PDE10A: variants seen among roughly 807,000 people sequenced by gnomAD.
PDE10A encodes the protein cAMP and cAMP-inhibited cGMP 3',5'-cyclic phosphodiesterase 10A.
A neutral mutation model predicts 97.7 loss-of-function variants in PDE10A; 39 were observed. That is an observed-to-expected ratio of 0.40 (90% CI 0.31 to 0.52). The LOEUF is 0.52. Ranked by LOEUF, PDE10A falls within the 20% of genes least tolerant of loss-of-function variation. The pLI, the probability that PDE10A is intolerant of heterozygous loss-of-function variation, is 0.56. For missense variants in PDE10A, 731 were observed against 1,047.8 expected (o/e 0.70, Z 4.17); for synonymous variants, 371 against 376.8 (o/e 0.98, Z 0.18).
At chr6:165,467,703 C>A (rs986120631) in intron 3 of PDE10A, among the ~76,000 whole-genome samples, 1 of 152,120 alleles carries the variant, frequency 6.6e-6, no homozygotes, top group Non-Finnish European at 1.5e-5. Context: ...ACTTTCTATG[C>A]CTAGTGAAGA....
At chr6:165,368,277 T>C (rs1266241138) in intron 18 of PDE10A, among the ~76,000 whole-genome samples, 1 of 152,232 alleles carries the variant, frequency 6.6e-6, no homozygotes, top group Non-Finnish European at 1.5e-5. Context: ...ATTAAAGGTG[T>C]GAGTCACCAC....
At chr6:165,481,016 CTACA>C (rs1779577258) in intron 3 of PDE10A, among the ~76,000 whole-genome samples, 1 of 152,166 alleles carries the variant, frequency 6.6e-6, no homozygotes, top group African/African-American at 2.4e-5. Context: ...AGAAAAATCA[CTACA>C]TAAAGTTTCA....
At chr6:165,836,172 T>G (rs1210871951) in intron 1 of PDE10A, among the ~76,000 whole-genome samples, 1 of 152,174 alleles carries the variant, frequency 6.6e-6, no homozygotes, top group Non-Finnish European at 1.5e-5. Flanking sequence ...TTGTGACTGG[T>G]GAGAAGCAAG....
intron 1 of PDE10A, among the ~76,000 whole-genome samples, chr6:165,811,987 G>C (rs894458871): frequency 6.6e-6 from 1 of 151,974 alleles, no homozygotes; most frequent in African/African-American, 2.4e-5. Context: ...CGAGTAGCTG[G>C]GATTACAGGC....
At chr6:165,831,125 C>T (rs929944314) in intron 1 of PDE10A, among the ~76,000 whole-genome samples, 28 of 152,000 alleles carry the variant, frequency 1.8e-4, no homozygotes, top group Non-Finnish European at 3.2e-4. Flanking sequence ...TGGCTCAAGC[C>T]TGTAATCCCA....
intron 1 of PDE10A, among the ~76,000 whole-genome samples, chr6:165,862,034 C>G (rs753993292): frequency 6.6e-6 from 1 of 152,232 alleles, no homozygotes; most frequent in South Asian, 2.1e-4. Context: ...GGCTCTGAGT[C>G]TCCTTCCAGC....
chr6:165,883,221 G>A lies in PDE10A; in HGVS notation c.-615+104308C>T, dbSNP rs12664273. Reference sequence around the variant, plus strand: ...ACTGCACTCCAGATTGGGCAATAGAGCAAGACTCTGTCAAAGAAAATAAAA... The same window carrying A: ...ACTGCACTCCAGATTGGGCAATAGAACAAGACTCTGTCAAAGAAAATAAAA... On this transcript the variant is annotated intron_variant, in intron 1 of 19. Transcript: ENST00000366882. Among the ~76,000 whole-genome samples the A allele has an allele frequency of 2.1e-3, 325 of 151,968 alleles. 8 individuals are homozygous for A. The East Asian group carries it at 0.056, about 26-fold the overall frequency.
At chr6:165,552,880 A>G (rs1784084254) in intron 1 of PDE10A, among the ~76,000 whole-genome samples, 1 of 152,170 alleles carries the variant, frequency 6.6e-6, no homozygotes, top group Admixed American at 6.6e-5. Context: ...ATTTCACAGA[A>G]GACTAATAGG....
intron 1 of PDE10A, among the ~76,000 whole-genome samples, chr6:165,927,657 T>TATATATATATAC (rs1782981045): frequency 1.8e-5 from 2 of 114,158 alleles, no homozygotes; most frequent in African/African-American, 6.7e-5. Flanking sequence ...CATATATATA[T>TATATATATATAC]ATATATATAT....
chr6:165,626,601 A>G (rs545228419), intron 1 of PDE10A, among the ~76,000 whole-genome samples: 31 of 152,368 alleles, frequency 2.0e-4, no homozygotes, highest in Admixed American at 3.9e-4. Flanking sequence ...CAGCTTACCT[A>G]AAATACCACG....
At chr6:165,850,208 C>T (rs762460804) in intron 1 of PDE10A, among the ~76,000 whole-genome samples, 2 of 152,226 alleles carry the variant, frequency 1.3e-5, no homozygotes, top group Non-Finnish European at 2.9e-5. Context: ...CCCATGGAGC[C>T]GCCACCTGGA....
chr6:165,824,777 G>A (rs6926525), intron 1 of PDE10A, among the ~76,000 whole-genome samples: 1 of 151,652 alleles, frequency 6.6e-6, no homozygotes, highest in Non-Finnish European at 1.5e-5. Flanking sequence ...GGAAAAAAAA[G>A]CATTTTAATT....
chr6:165,434,292 T>TCTTC (rs1244599062), intron 6 of PDE10A, among the ~76,000 whole-genome samples: 1 of 151,954 alleles, frequency 6.6e-6, no homozygotes, highest in Non-Finnish European at 1.5e-5. Context: ...TCCTTCTATC[T>TCTTC]CTTCCTTCCT....
At position 165,435,228 on chromosome 6, in the gene PDE10A, G is replaced by A; in HGVS notation, c.1335+9C>T. On this transcript the variant is annotated intron_variant, in intron 6 of 21. Coordinates refer to ENST00000539869, the MANE Select transcript of PDE10A (RefSeq NM_001385079.1). Reference sequence around the variant, plus strand: ...CAAAAGTGTCACAAAGAATCAAAAAGCCACTTACTCCAAGGATGTCTTCTA... The same window carrying A: ...CAAAAGTGTCACAAAGAATCAAAAAACCACTTACTCCAAGGATGTCTTCTA... 6.2e-7 allele frequency: 1 copy of A among 1,604,996 alleles called. No homozygotes were observed. The highest frequency in any genetic ancestry group is 2.2e-5 in the East Asian group (1 of 44,730).
intron 1 of PDE10A, among the ~76,000 whole-genome samples, chr6:165,699,374 G>T (rs1791514721): frequency 6.6e-6 from 1 of 152,112 alleles, no homozygotes; most frequent in African/African-American, 2.4e-5. Context: ...AGGAGAAATA[G>T]AAAATTCAAC....
chr6:165,338,114 C>G (rs748336630), intron 20 of PDE10A, among the ~76,000 whole-genome samples: 2 of 152,154 alleles, frequency 1.3e-5, no homozygotes, highest in Non-Finnish European at 2.9e-5. Flanking sequence ...GATAGGTATT[C>G]AGGATCCATT....
intron 1 of PDE10A, among the ~76,000 whole-genome samples, chr6:165,734,428 G>A (rs1032360169): frequency 6.6e-6 from 1 of 152,110 alleles, no homozygotes; most frequent in South Asian, 2.1e-4. Flanking sequence ...AGCACTCCCA[G>A]AATTTCAGAA....
At chr6:165,594,935 A>T (rs1205166804) in intron 1 of PDE10A, among the ~76,000 whole-genome samples, 1 of 152,224 alleles carries the variant, frequency 6.6e-6, no homozygotes, top group Non-Finnish European at 1.5e-5. Context: ...GGTGAACAAG[A>T]TCAGATCATG....
chr6:165,855,159 C>T (rs1305608917), intron 1 of PDE10A, among the ~76,000 whole-genome samples: 1 of 152,096 alleles, frequency 6.6e-6, no homozygotes, highest in Non-Finnish European at 1.5e-5. Flanking sequence ...GACCCTTTCC[C>T]GCGGGGCCCA....
Sources: allele counts gnomAD v4.1 joint callset (sites outside exome capture counted in the v4.1 genomes callset), GRCh38; gene constraint gnomAD v4.1.1; transcripts MANE v1.5; gene names NCBI Gene and HGNC (gene_info 2026-07-23, HGNC 2026-07-21).